ERBB4: variants seen among roughly 807,000 people sequenced by gnomAD.
ERBB4 encodes receptor tyrosine-protein kinase erbB-4.
In ERBB4, 42 loss-of-function variants were observed where a neutral mutation model predicts 158.0. The ratio of observed to expected loss-of-function variants is 0.27; its 90% CI spans 0.21 to 0.34. The LOEUF is 0.34. Ranked by LOEUF, ERBB4 falls within the 10% of genes least tolerant of loss-of-function variation. ERBB4 has a pLI of 1.00. For synonymous variants in ERBB4, 583 were observed against 558.7 expected, an observed-to-expected ratio of 1.04 and a Z score of -0.61; for missense variants, 1,333 against 1,624.1, an observed-to-expected ratio of 0.82 and a Z score of 3.08.
chr2:211,878,846 A>T (rs1054389054), intron 3 of ERBB4, among the ~76,000 whole-genome samples: 1 of 152,134 alleles, frequency 6.6e-6, no homozygotes, highest in Non-Finnish European at 1.5e-5. Context: ...CAAAAATTGC[A>T]TTAGAGAAAA....
rs185424728 is a variant in ERBB4 at position 212,260,932 on chromosome 2, T to C, written c.83-136029A>G. 3.3e-5 allele frequency among the ~76,000 whole-genome samples: 5 copies of C among 152,288 alleles called. No homozygotes were observed. The East Asian group carries it at 9.7e-4, about 29-fold the overall frequency. On this transcript the variant is annotated intron_variant, in intron 1 of 27. Coordinates refer to ENST00000342788, the MANE Select transcript of ERBB4 (RefSeq NM_005235.3). ...ATTATTCTGAAAGAAATGAAAGTTA[T>C]GCATAACGGCCTAGATATAGATATG... is the stretch of plus-strand genomic sequence containing the variant.
chr2:211,713,521 G>C lies in ERBB4; in HGVS notation c.997+14C>G. 3 of 1,470,210 alleles carry C rather than the reference G, an allele frequency of 2.0e-6. No homozygotes were observed. The highest frequency in any genetic ancestry group is 1.9e-6 in the Non-Finnish European group (2 of 1,048,900). The allele number at this position is 1,470,210 out of a possible 1,614,324, so 91.1% of individuals were successfully genotyped here. A position where few individuals can be genotyped will look rare whatever the true frequency, so the allele number is the denominator to read the frequency against. Reference sequence around the variant, plus strand: ...AGGCCCAGTTCTAACTAAATAATCTGAGCTACCACTCACCTTTTGGGCAAA... The same window carrying C: ...AGGCCCAGTTCTAACTAAATAATCTCAGCTACCACTCACCTTTTGGGCAAA... On this transcript the variant is annotated intron_variant, in intron 8 of 27. Transcript: ENST00000342788.
chr2:211,752,666 C>T (rs1559486703), intron 4 of ERBB4, among the ~76,000 whole-genome samples: 2 of 152,002 alleles, frequency 1.3e-5, no homozygotes, highest in Non-Finnish European at 2.9e-5. Flanking sequence ...TTTTTAACTT[C>T]TTATTCTTGA....
chr2:211,759,103 C>A (rs1279353633), intron 4 of ERBB4, among the ~76,000 whole-genome samples: 1 of 152,176 alleles, frequency 6.6e-6, no homozygotes, highest in Admixed American at 6.6e-5. Flanking sequence ...GAAGCTTCTG[C>A]CAAAAACTTT....
chr2:211,901,133 G>C lies in ERBB4; in HGVS notation c.421+46297C>G, dbSNP rs567023114. On this transcript the variant is annotated intron_variant, in intron 3 of 27. Coordinates refer to ENST00000342788, the MANE Select transcript of ERBB4 (RefSeq NM_005235.3). ...ATGATGATGGTGAATGAGAGCATAG[G>C]CTTCTCTCAAAGAGTGGTAGGATCA... Among the ~76,000 whole-genome samples, 4 of 152,138 alleles carry C rather than the reference G, an allele frequency of 2.6e-5. No individual in the cohort carries two copies. The East Asian group carries it at 7.7e-4, about 29-fold the overall frequency.
chr2:211,804,927 T>TC (rs1218241979), intron 3 of ERBB4, among the ~76,000 whole-genome samples: 1 of 151,268 alleles, frequency 6.6e-6, no homozygotes, highest in Admixed American at 6.6e-5. Context: ...ATATTCTTTT[T>TC]TTTTTTTTTT....
intron 19 of ERBB4, among the ~76,000 whole-genome samples, chr2:211,567,782 C>G (rs7564309): frequency 1 from 151,412 of 151,460 alleles, 75,682 homozygotes; most frequent in Middle Eastern, 1. Context: ...CTAATTGTAG[C>G]TTGCATTTTT....
chr2:211,391,616 C>T (rs1054048319), intron 25 of ERBB4, among the ~76,000 whole-genome samples: 3 of 152,104 alleles, frequency 2.0e-5, no homozygotes, highest in African/African-American at 7.2e-5. Context: ...TTAACTTGGA[C>T]TTAAATGCCA....
At chr2:212,085,567 TAC>T (rs1438982004) in intron 2 of ERBB4, among the ~76,000 whole-genome samples, 1 of 151,970 alleles carries the variant, frequency 6.6e-6, no homozygotes, top group Non-Finnish European at 1.5e-5. Context: ...TTAGGTCATC[TAC>T]TTTACATATA....
intron 20 of ERBB4, among the ~76,000 whole-genome samples, chr2:211,466,347 TTTA>T (rs1424153426): frequency 0.019 from 2,644 of 139,662 alleles, 64 homozygotes; most frequent in African/African-American, 0.07. Context: ...TTTTTTTTTT[TTTA>T]AAAAAAAAAA....
chr2:212,192,007 A>ATATGTTATATGTT (rs1491138840), intron 1 of ERBB4, among the ~76,000 whole-genome samples: 50 of 99,124 alleles, frequency 5.0e-4, no homozygotes, highest in African/African-American at 1.5e-3. Flanking sequence ...TGTTATATAT[A>ATATGTTATATGTT]ATATATGTTA....
chr2:212,231,180 A>G (rs2083653099), intron 1 of ERBB4, among the ~76,000 whole-genome samples: 1 of 152,198 alleles, frequency 6.6e-6, no homozygotes, highest in Non-Finnish European at 1.5e-5. Flanking sequence ...AACATCAGAG[A>G]TAACTAGATA....
chr2:211,656,535 AT>A (rs1346388184), intron 16 of ERBB4, among the ~76,000 whole-genome samples: 3 of 152,356 alleles, frequency 2.0e-5, no homozygotes, highest in Admixed American at 6.5e-5. Context: ...CAGTTCTATA[AT>A]TTTTGATAAG....
At chr2:211,439,736 A>G (rs2063933421) in intron 20 of ERBB4, among the ~76,000 whole-genome samples, 1 of 152,200 alleles carries the variant, frequency 6.6e-6, no homozygotes, top group South Asian at 2.1e-4. Context: ...GTTTCCATAT[A>G]CAAAGGATTT....
chr2:212,460,604 T>C (rs1488525687), intron 1 of ERBB4, among the ~76,000 whole-genome samples: 1 of 152,278 alleles, frequency 6.6e-6, no homozygotes, highest in Non-Finnish European at 1.5e-5. Flanking sequence ...TTGAGAGAGA[T>C]GATTTAGGGT....
At chr2:212,230,046 A>G (rs1426254866) in intron 1 of ERBB4, among the ~76,000 whole-genome samples, 1 of 152,200 alleles carries the variant, frequency 6.6e-6, no homozygotes, top group Non-Finnish European at 1.5e-5. Flanking sequence ...GCACTTTGGG[A>G]GGCTGAAGCA....
intron 1 of ERBB4, among the ~76,000 whole-genome samples, chr2:212,422,650 AC>A (rs2091821782): frequency 6.6e-6 from 1 of 152,300 alleles, no homozygotes; most frequent in African/African-American, 2.4e-5. Flanking sequence ...CACAACCAAA[AC>A]CTTTTACTGT....
At chr2:211,852,383 C>A (rs534955901) in intron 3 of ERBB4, among the ~76,000 whole-genome samples, 16 of 152,030 alleles carry the variant, frequency 1.1e-4, no homozygotes, top group Admixed American at 9.8e-4. Context: ...CTAGAAAACA[C>A]TACCCTATAT....
chr2:211,444,969 T>C (rs1014327065), intron 20 of ERBB4, among the ~76,000 whole-genome samples: 1 of 152,064 alleles, frequency 6.6e-6, no homozygotes, highest in Non-Finnish European at 1.5e-5. Flanking sequence ...AATTTTTGGA[T>C]AAAATACAGT....
Sources: gnomAD v4.1 joint callset for allele counts (sites outside exome capture counted in the v4.1 genomes callset) on GRCh38, gnomAD v4.1.1 for gene constraint, MANE v1.5 for transcripts, NCBI Gene and HGNC (gene_info 2026-07-23, HGNC 2026-07-21) for gene names.